The following SQSTM1 variants were observed in gnomAD, a reference collection of about 807,000 sequenced individuals.
SQSTM1 encodes sequestosome-1.
SQSTM1 carries 36 observed loss-of-function variants against 45.1 expected under a neutral mutation model. The observed-to-expected ratio is 0.80, with a 90% CI of 0.61 to 1.05. The LOEUF is 1.05. SQSTM1 is among the 50% of genes least tolerant of loss of function. The pLI is 0.00. For synonymous variants in SQSTM1, 290 were observed against 244.3 expected (o/e 1.19, Z -1.74); for missense variants, 617 against 607.1 (o/e 1.02, Z -0.17).
At chr5:179,826,383 T>G (rs1403166492) in intron 5 of SQSTM1, among the ~76,000 whole-genome samples, 1 of 152,068 alleles carries the variant, frequency 6.6e-6, no homozygotes, top group Non-Finnish European at 1.5e-5. Context: ...GCCAGGCTGG[T>G]CTTGAACTTC....
Position 179,837,614 on chromosome 5 carries a change from T to A in SQSTM1, c.*1021T>A. On this transcript the variant is annotated 3_prime_UTR_variant, in exon 8 of 8. Coordinates refer to ENST00000389805, the MANE Select transcript of SQSTM1 (RefSeq NM_003900.5). ...CCTGCTGAGGCCTTCTCTTGAGGCC[T>A]GTGCTCTGGGGGTCCCTTGCTTAGC... is the stretch of plus-strand genomic sequence containing the variant. 6.2e-7 allele frequency: 1 copy of A among 1,614,240 alleles called. No homozygotes were observed. The highest frequency in any genetic ancestry group is 8.5e-7 in the Non-Finnish European group (1 of 1,180,046).
chr5:179,817,920 C>T (rs1757632290), upstream of SQSTM1, among the ~76,000 whole-genome samples: 2 of 141,942 alleles, frequency 1.4e-5, no homozygotes, highest in South Asian at 4.4e-4. Flanking sequence ...GAGGCAGGAG[C>T]AGGAGAATTG....
Position 179,837,127 on chromosome 5 carries a change from C to G in SQSTM1, c.*534C>G. On this transcript the variant is annotated 3_prime_UTR_variant, in exon 8 of 8. Transcript: ENST00000389805. ...ATGTTGGTTTCACTGAGAGCTGCCT[C>G]CTGGTCTCTTCACCACTGTAGTTCT... 1 of 1,195,380 alleles carries G rather than the reference C, an allele frequency of 8.4e-7. No individual in the cohort carries two copies. The highest frequency in any genetic ancestry group is 1.9e-4 in the Middle Eastern group (1 of 5,334). 74.0% of individuals were successfully genotyped at this position (1,195,380 alleles called of 1,614,324 possible).
At chr5:179,821,237 C>A (rs898032145) in intron 1 of SQSTM1, 96 bp downstream of exon 1, 20 of 1,201,608 alleles carry the variant, frequency 1.7e-5, no homozygotes, top group Non-Finnish European at 2.0e-5. Flanking sequence ...CGACGCCTGG[C>A]GGGCCGTGAG....
chr5:179,819,985 C>G (rs10068048), upstream of SQSTM1: 1,238 of 152,632 alleles, frequency 8.1e-3, 14 homozygotes, highest in African/African-American at 0.028. Flanking sequence ...TGACCTCCTA[C>G]TCACAGGACC....
chr5:179,820,884 C>G (rs1174178860), upstream of SQSTM1: 6 of 1,422,268 alleles, frequency 4.2e-6, no homozygotes, highest in East Asian at 1.8e-4. Context: ...CTACAAAAGC[C>G]GCGCGGCGGC....
intron 5 of SQSTM1, among the ~76,000 whole-genome samples, chr5:179,827,262 G>A (rs914988371): frequency 3.9e-5 from 6 of 152,152 alleles, no homozygotes; most frequent in Non-Finnish European, 7.3e-5. Context: ...TGAACTGGAC[G>A]CCCCACTTGG....
Position 179,836,820 on chromosome 5 carries a change from C to CT in SQSTM1, c.*228dup, listed in dbSNP as rs1449215460. ...GGTGCCCTGGCTCCTTGCAGCAGGG[C>CT]TGGGCCTGCGAGACCCAAGGCTCAC... On this transcript the variant is annotated 3_prime_UTR_variant, in exon 8 of 8. Transcript: ENST00000389805. 1.0e-4 allele frequency: 74 copies of CT among 710,692 alleles called. No individual in the cohort carries two copies. In the Middle Eastern group the frequency reaches 3.4e-3, roughly 32 times the overall value. 44.0% of individuals were successfully genotyped at this position (710,692 alleles called of 1,614,324 possible).
chr5:179,816,330 A>G (rs906219141), upstream of SQSTM1, among the ~76,000 whole-genome samples: 1 of 152,090 alleles, frequency 6.6e-6, no homozygotes, highest in Admixed American at 6.5e-5. Flanking sequence ...TTTAATTTTT[A>G]GTACAGATGG....
chr5:179,822,329 T>G (rs1757813157), intron 1 of SQSTM1, among the ~76,000 whole-genome samples: 1 of 152,236 alleles, frequency 6.6e-6, no homozygotes, highest in African/African-American at 2.4e-5. Context: ...GTTCATTAGT[T>G]GACAGACATT....
chr5:179,816,700 A>G (rs1390420188), upstream of SQSTM1, among the ~76,000 whole-genome samples: 2 of 151,900 alleles, frequency 1.3e-5, no homozygotes, highest in African/African-American at 4.8e-5. Context: ...CGCCACTGAG[A>G]GCCTCCCGTC....
rs1436678583 is a variant in SQSTM1 at position 179,837,946 on chromosome 5, C to T, written c.*1353C>T. Reference sequence around the variant, plus strand: ...GAACAATGCCAGGGCCCAGGAGGACCGCCTGCCCTGCCTGGGCCTTGGCTG... The same window carrying T: ...GAACAATGCCAGGGCCCAGGAGGACTGCCTGCCCTGCCTGGGCCTTGGCTG... On this transcript the variant is annotated 3_prime_UTR_variant, in exon 8 of 8. Transcript: ENST00000389805. 101 of 1,520,184 alleles carry T rather than the reference C, an allele frequency of 6.6e-5. No homozygotes were observed. Among genetic ancestry groups the T allele is most frequent in the Admixed American group, 3.6e-4 (20 of 55,130 alleles). 94.2% of individuals were successfully genotyped at this position (1,520,184 alleles called of 1,614,324 possible).
chr5:179,835,062 C>A, intron 7 of SQSTM1: 1 of 212,242 alleles, frequency 4.7e-6, no homozygotes, highest in Non-Finnish European at 9.7e-6. Flanking sequence ...GGCGGCCGGG[C>A]AGAGACGCTC....
chr5:179,810,215 C>G (rs1757355464), intron 1 of SQSTM1, among the ~76,000 whole-genome samples: 1 of 151,996 alleles, frequency 6.6e-6, no homozygotes, highest in Non-Finnish European at 1.5e-5. Flanking sequence ...GTATGCTGCA[C>G]CCATTAACTC....
Position 179,837,503 on chromosome 5 carries a change from G to A in SQSTM1, c.*910G>A. On this transcript the variant is annotated 3_prime_UTR_variant, in exon 8 of 8. Transcript: ENST00000389805. ...CCCACCCTCTGCCCAGGGAGTCCTT[G>A]CGTCCCATGAGGTCTTCCCGCAAGG... 6.2e-7 allele frequency: 1 copy of A among 1,614,204 alleles called. No homozygotes were observed. The highest frequency in any genetic ancestry group is 8.5e-7 in the Non-Finnish European group (1 of 1,180,018).
intron 5 of SQSTM1, among the ~76,000 whole-genome samples, chr5:179,830,988 C>T (rs958698140): frequency 1.3e-5 from 2 of 152,230 alleles, no homozygotes; most frequent in African/African-American, 4.8e-5. Flanking sequence ...ATGCATGAGT[C>T]ACTGTGCCTG....
At position 179,821,261 on chromosome 5, in the gene SQSTM1, G is replaced by A. The variant is rs1268820636; in HGVS notation, c.205+120G>A. On this transcript the variant is annotated intron_variant, in intron 1 of 7. Coordinates refer to ENST00000389805, the MANE Select transcript of SQSTM1 (RefSeq NM_003900.5). Reference sequence around the variant, plus strand: ...GCGGGCCGTGAGGGGGTCTGCGCTGGCTGCTCCCTGGATGGCGGTGGCCTG... The same window carrying A: ...GCGGGCCGTGAGGGGGTCTGCGCTGACTGCTCCCTGGATGGCGGTGGCCTG... The A allele has an allele frequency of 9.8e-6, 10 of 1,025,608 alleles. No homozygotes were observed. In the Middle Eastern group the frequency reaches 9.9e-4, roughly 102 times the overall value. 63.5% of individuals were successfully genotyped at this position (1,025,608 alleles called of 1,614,324 possible).
intron 1 of SQSTM1, 41 bp downstream of exon 1, chr5:179,821,182 G>A (rs1757760415): frequency 1.5e-6 from 2 of 1,321,666 alleles, no homozygotes; most frequent in African/African-American, 1.6e-5. Context: ...GACGCAGGCC[G>A]GACACGGCCT....
intron 1 of SQSTM1, among the ~76,000 whole-genome samples, chr5:179,809,204 G>A (rs1424219633): frequency 7.0e-6 from 1 of 143,538 alleles, no homozygotes; most frequent in Non-Finnish European, 1.5e-5. Context: ...TGTCGCCCAG[G>A]TTGGAGTGCA....
Sources: allele counts gnomAD v4.1 joint callset (sites outside exome capture counted in the v4.1 genomes callset), GRCh38; gene constraint gnomAD v4.1.1; transcripts MANE v1.5; gene names NCBI Gene and HGNC (gene_info 2026-07-23, HGNC 2026-07-21).